Variants in ST6GALNAC5 observed in about 807,000 individuals in gnomAD.
ST6GALNAC5 encodes alpha-N-acetylgalactosaminide alpha-2,6-sialyltransferase 5.
In ST6GALNAC5, 27 loss-of-function variants were observed where a neutral mutation model predicts 33.6. The ratio of observed to expected loss-of-function variants is 0.80; its 90% CI spans 0.59 to 1.11. The LOEUF (loss-of-function observed/expected upper bound fraction) is 1.11. Among genes scored for constraint, ST6GALNAC5 ranks in the 50% least tolerant of loss-of-function variants. The pLI is 0.00. For synonymous variants in ST6GALNAC5, 194 were observed against 171.2 expected (o/e 1.13, Z -1.04); for missense variants, 428 against 454.0 (o/e 0.94, Z 0.52).
chr1:76,990,173 G>A (rs1649669443), intron 2 of ST6GALNAC5, among the ~76,000 whole-genome samples: 1 of 152,160 alleles, frequency 6.6e-6, no homozygotes, highest in African/African-American at 2.4e-5. Context: ...ACGCAGCCAT[G>A]AGTATACACT....
At chr1:76,966,044 G>A (rs1648460540) in intron 2 of ST6GALNAC5, among the ~76,000 whole-genome samples, 1 of 152,178 alleles carries the variant, frequency 6.6e-6, no homozygotes, top group African/African-American at 2.4e-5. Flanking sequence ...GTAGCGTGAT[G>A]CCTCCAGCTT....
At chr1:77,018,570 T>C (rs982221612) in intron 2 of ST6GALNAC5, among the ~76,000 whole-genome samples, 2 of 152,140 alleles carry the variant, frequency 1.3e-5, no homozygotes, top group African/African-American at 4.8e-5. Flanking sequence ...TCCTAATCAC[T>C]CCCAAGAGGC....
chr1:77,056,212 A>C (rs935435432), intron 4 of ST6GALNAC5, among the ~76,000 whole-genome samples: 2 of 152,224 alleles, frequency 1.3e-5, no homozygotes, highest in African/African-American at 4.8e-5. Flanking sequence ...AAATCATGCC[A>C]TATCCATACT....
Position 77,003,630 on chromosome 1 carries a change from T to A in ST6GALNAC5, c.262-40574T>A, listed in dbSNP as rs374462811. 4.5e-3 allele frequency among the ~76,000 whole-genome samples: 680 copies of A among 152,194 alleles called. 7 individuals carry two copies. The highest frequency in any genetic ancestry group is 0.016 in the African/African-American group (652 of 41,520). ...GGCATGATTTTGCAGCGGCTGGTACTGGTTGTTCCTTTCCATGTTTAGCGC... is the reference window on the plus strand; with the variant it reads ...GGCATGATTTTGCAGCGGCTGGTACAGGTTGTTCCTTTCCATGTTTAGCGC... On this transcript the variant is annotated intron_variant, in intron 2 of 4. Coordinates refer to ENST00000477717, the MANE Select transcript of ST6GALNAC5 (RefSeq NM_030965.3).
intron 2 of ST6GALNAC5, among the ~76,000 whole-genome samples, chr1:76,935,386 C>A (rs1647190986): frequency 6.6e-6 from 1 of 151,878 alleles, no homozygotes; most frequent in South Asian, 2.1e-4. Context: ...CACCAAAGAC[C>A]CATAAAACAG....
intron 2 of ST6GALNAC5, among the ~76,000 whole-genome samples, chr1:76,978,907 C>A (rs1360928704): frequency 6.6e-6 from 1 of 152,002 alleles, no homozygotes; most frequent in South Asian, 2.1e-4. Context: ...ACTGTTAGAA[C>A]TAATAAATAA....
At chr1:77,008,561 A>C (rs946682652) in intron 2 of ST6GALNAC5, among the ~76,000 whole-genome samples, 1 of 151,952 alleles carries the variant, frequency 6.6e-6, no homozygotes, top group Non-Finnish European at 1.5e-5. Context: ...ATGGAGTCTC[A>C]CTCTGCCTCC....
At chr1:76,877,535 C>T (rs963059541) in intron 2 of ST6GALNAC5, among the ~76,000 whole-genome samples, 1 of 152,196 alleles carries the variant, frequency 6.6e-6, no homozygotes, top group Non-Finnish European at 1.5e-5. Context: ...ACTCATCCTT[C>T]ACCTTAGAAG....
At chr1:76,967,217 C>T (rs753194075) in intron 2 of ST6GALNAC5, among the ~76,000 whole-genome samples, 5 of 152,194 alleles carry the variant, frequency 3.3e-5, no homozygotes, top group South Asian at 4.2e-4. Flanking sequence ...GCTGTGAATC[C>T]GTGTGGTCCT....
intron 3 of ST6GALNAC5, among the ~76,000 whole-genome samples, chr1:77,049,012 G>A (rs1306440625): frequency 1.3e-5 from 2 of 152,112 alleles, no homozygotes; most frequent in Non-Finnish European, 2.9e-5. Context: ...AAATACAATG[G>A]AATAGGGGAA....
intron 2 of ST6GALNAC5, among the ~76,000 whole-genome samples, chr1:76,891,678 T>A (rs1334194833): frequency 6.6e-6 from 1 of 152,176 alleles, no homozygotes; most frequent in Non-Finnish European, 1.5e-5. Flanking sequence ...GAAGAATTAT[T>A]CCTATGTTTT....
chr1:77,026,305 C>T (rs1370333047), intron 2 of ST6GALNAC5, among the ~76,000 whole-genome samples: 1 of 152,218 alleles, frequency 6.6e-6, no homozygotes, highest in Admixed American at 6.5e-5. Flanking sequence ...CTCTGCTCCT[C>T]TTATGTTAAT....
At chr1:77,049,221 C>T (rs1652129637) in intron 3 of ST6GALNAC5, among the ~76,000 whole-genome samples, 1 of 151,938 alleles carries the variant, frequency 6.6e-6, no homozygotes, top group Non-Finnish European at 1.5e-5. Context: ...TCCTTCTTCT[C>T]AAGGATGGGT....
At chr1:76,896,444 T>A (rs1224540099) in intron 2 of ST6GALNAC5, among the ~76,000 whole-genome samples, 2 of 152,112 alleles carry the variant, frequency 1.3e-5, no homozygotes, top group South Asian at 2.1e-4. Context: ...ATGGAAAGAA[T>A]ATGAGAGGTT....
chr1:76,903,143 C>T (rs1243534145), intron 2 of ST6GALNAC5, among the ~76,000 whole-genome samples: 2 of 152,058 alleles, frequency 1.3e-5, no homozygotes, highest in East Asian at 1.9e-4. Flanking sequence ...TTATATATCC[C>T]CTTTGGAACT....
intron 2 of ST6GALNAC5, among the ~76,000 whole-genome samples, chr1:76,923,304 A>G (rs1258558588): frequency 6.6e-6 from 1 of 150,938 alleles, no homozygotes; most frequent in East Asian, 1.9e-4. Context: ...GAGTGAGTGG[A>G]CAATCAGGAA....
rs1652730354 is a variant in ST6GALNAC5, at chr1:77,065,151, T to C, written c.*1945T>C. The C allele has an allele frequency of 6.6e-6, 1 of 152,204 alleles. No individual in the cohort carries two copies. The highest frequency in any genetic ancestry group is 6.5e-5 in the Admixed American group (1 of 15,292). 9.4% of individuals were successfully genotyped at this position (152,204 alleles called of 1,614,324 possible). Reference sequence around the variant, plus strand: ...CATACTTTATCAACATATGAAAAAGTGTATTAATTTTATACAATTTACTTA... The same window carrying C: ...CATACTTTATCAACATATGAAAAAGCGTATTAATTTTATACAATTTACTTA... On this transcript the variant is annotated 3_prime_UTR_variant, in exon 5 of 5. Transcript: ENST00000477717.
intron 2 of ST6GALNAC5, among the ~76,000 whole-genome samples, chr1:77,028,972 T>C (rs1185212314): frequency 3.3e-5 from 5 of 152,190 alleles, no homozygotes; most frequent in African/African-American, 1.2e-4. Context: ...AAGGCTATTC[T>C]AACAGGAAAG....
chr1:76,889,296 T>G (rs1027973491), intron 2 of ST6GALNAC5, among the ~76,000 whole-genome samples: 4 of 152,102 alleles, frequency 2.6e-5, no homozygotes, highest in Admixed American at 2.0e-4. Flanking sequence ...TTGTGGTTGT[T>G]TCACATTAGC....
Sources: gnomAD v4.1 joint callset for allele counts (sites outside exome capture counted in the v4.1 genomes callset) on GRCh38, gnomAD v4.1.1 for gene constraint, MANE v1.5 for transcripts, NCBI Gene and HGNC (gene_info 2026-07-23, HGNC 2026-07-21) for gene names.